Variants in PPIL6 observed in about 807,000 individuals in gnomAD.
PPIL6 encodes probable inactive peptidyl-prolyl cis-trans isomerase-like 6.
Under a neutral mutation model 36.8 loss-of-function variants are expected in PPIL6, and 39 were observed. The ratio of observed to expected loss-of-function variants is 1.06; its 90% CI spans 0.82 to 1.38. PPIL6 has a LOEUF of 1.38. Ranked by LOEUF, PPIL6 falls within the 40% of genes most tolerant of loss-of-function variation. The probability of loss-of-function intolerance (pLI) is 0.00; values close to 1 mark genes in which losing one functional copy is unlikely to be tolerated. For synonymous variants in PPIL6, 123 were observed against 134.1 expected, an observed-to-expected ratio of 0.92 and a Z score of 0.57; for missense variants, 368 against 379.1, an observed-to-expected ratio of 0.97 and a Z score of 0.24.
chr6:109,401,049 T>G (rs1049129635), intron 6 of PPIL6, among the ~76,000 whole-genome samples: 1 of 138,860 alleles, frequency 7.2e-6, no homozygotes, highest in African/African-American at 2.7e-5. Flanking sequence ...TTTTTTTTTT[T>G]GTATTTTTAG....
At position 109,413,139 on chromosome 6, in the gene PPIL6, C is replaced by T. The variant is rs145656400; in HGVS notation, c.688+6048G>A. 4.1e-4 allele frequency among the ~76,000 whole-genome samples: 63 copies of T among 152,214 alleles called. No individual in the cohort carries two copies. The highest frequency in any genetic ancestry group is 1.3e-3 in the African/African-American group (56 of 41,520). ...CACCACTGCATTCTATCCTGGGTGA[C>T]AGAGTGAGACTCTGTCTCAAAACAA... On this transcript the variant is annotated intron_variant, in intron 6 of 7. Coordinates refer to ENST00000521072, the MANE Select transcript of PPIL6 (RefSeq NM_173672.5). This position sits in a 1 kb window ranked among gnomAD's most constrained non-coding sequence, Gnocchi z 4.6.
chr6:109,401,644 G>C (rs1772544537), intron 6 of PPIL6, among the ~76,000 whole-genome samples: 1 of 151,928 alleles, frequency 6.6e-6, no homozygotes, highest in Admixed American at 6.6e-5. Context: ...ATTCATTTCA[G>C]TGAAATAAAG....
rs1037254237 is a variant in PPIL6, at chr6:109,440,256, C to A, written c.135+200G>T. On this transcript the variant is annotated intron_variant, in intron 1 of 7. Transcript: ENST00000521072. ...AAAAGTCGCCAAGTGGAACGCCCGCCCCCGGACCCGCACTTGCCCCCCTAT... is the reference window on the plus strand; with the variant it reads ...AAAAGTCGCCAAGTGGAACGCCCGCACCCGGACCCGCACTTGCCCCCCTAT... The A allele has an allele frequency of 4.3e-6, 3 of 702,840 alleles. No individual in the cohort carries two copies. In the Admixed American group the frequency reaches 6.3e-5, roughly 15 times the overall value. 43.5% of individuals were successfully genotyped at this position (702,840 alleles called of 1,614,324 possible). A position where few individuals can be genotyped will look rare whatever the true frequency, so the allele number is the denominator to read the frequency against.
chr6:109,398,753 C>T (rs1380870681), intron 7 of PPIL6, among the ~76,000 whole-genome samples: 1 of 152,044 alleles, frequency 6.6e-6, no homozygotes, highest in Non-Finnish European at 1.5e-5. Context: ...TGTCCATGGA[C>T]AATTATTGAA....
chr6:109,440,440 G>T lies in PPIL6; in HGVS notation c.135+16C>A, dbSNP rs1227410310. ...GCGGGGAGGGCCGCCCACGACGGAG[G>T]TTTCTCTGTGGTTACCTCAGCGGCG... is the stretch of plus-strand genomic sequence containing the variant. On this transcript the variant is annotated intron_variant, in intron 1 of 7. Coordinates refer to ENST00000521072, the MANE Select transcript of PPIL6 (RefSeq NM_173672.5). The T allele has an allele frequency of 6.5e-7, 1 of 1,539,468 alleles. No homozygotes were observed.
At chr6:109,394,491 G>A (rs1380549786) in intron 7 of PPIL6, among the ~76,000 whole-genome samples, 1 of 151,626 alleles carries the variant, frequency 6.6e-6, no homozygotes, top group African/African-American at 2.4e-5. Context: ...AATTAAAAAA[G>A]GGCAGAGAGA....
Position 109,422,896 on chromosome 6 carries a change from C to T in PPIL6, c.632-3653G>A, listed in dbSNP as rs146250104. Among the ~76,000 whole-genome samples, 239 of 152,266 alleles carry T rather than the reference C, an allele frequency of 1.6e-3. 1 individual carries two copies. The East Asian group carries it at 0.025, about 16-fold the overall frequency. ...GTTATAAACATATTGTACTTATCAG[C>T]GGCTCATTCTTCTGTTTTTATTTGT... is the stretch of plus-strand genomic sequence containing the variant. On this transcript the variant is annotated intron_variant, in intron 5 of 7. Transcript: ENST00000521072.
At position 109,399,810 on chromosome 6, in the gene PPIL6, G is replaced by A. The variant is rs552424646; in HGVS notation, c.824+225C>T. 3.3e-5 allele frequency among the ~76,000 whole-genome samples: 5 copies of A among 152,168 alleles called. No homozygotes were observed. In the South Asian group the frequency reaches 1.0e-3, roughly 32 times the overall value. ...CCCACCTCAGCCTCCAAAAGTGCTG[G>A]GATTATATGCCTGAGCCACTGTGTC... On this transcript the variant is annotated intron_variant, in intron 7 of 7. Coordinates refer to ENST00000521072, the MANE Select transcript of PPIL6 (RefSeq NM_173672.5).
At position 109,391,730 on chromosome 6, in the gene PPIL6, G is replaced by A. The variant is rs1461057734; in HGVS notation, c.*1096C>T. ...CTGAATCTCCAATAACATCACATGA[G>A]TCAGCCACCACGGACACTGTAAAAC... On this transcript the variant is annotated 3_prime_UTR_variant, in exon 8 of 8. Transcript: ENST00000521072. 1.3e-5 allele frequency: 2 copies of A among 152,156 alleles called. No homozygotes were observed. The highest frequency in any genetic ancestry group is 2.9e-5 in the Non-Finnish European group (2 of 68,026). 9.4% of individuals were successfully genotyped at this position (152,156 alleles called of 1,614,324 possible).
chr6:109,440,130 A>G (rs552602971), intron 1 of PPIL6: 6 of 375,418 alleles, frequency 1.6e-5, no homozygotes, highest in Non-Finnish European at 3.0e-5. Context: ...GAAAAAATTG[A>G]CGTAGAACAA....
intron 7 of PPIL6, 87 bp from the exon 8 acceptor site, chr6:109,393,024 ATAGCTAAGACT>A: frequency 1.4e-6 from 1 of 725,102 alleles, no homozygotes; most frequent in South Asian, 1.7e-5. Context: ...CTACCCAGCT[ATAGCTAAGACT>A]ATTTCCTACA....
chr6:109,422,654 A>T (rs532959644), intron 5 of PPIL6, among the ~76,000 whole-genome samples: 4 of 152,322 alleles, frequency 2.6e-5, no homozygotes, highest in Non-Finnish European at 1.5e-5. Flanking sequence ...ATAATAATAT[A>T]CACTGGAGAT....
intron 1 of PPIL6, chr6:109,440,198 T>G: frequency 3.6e-6 from 2 of 561,768 alleles, no homozygotes; most frequent in African/African-American, 1.9e-5. Context: ...CCCAGCGCGG[T>G]TCTGAACCCT....
At position 109,403,033 on chromosome 6, in the gene PPIL6, C is replaced by T. The variant is rs751967242; in HGVS notation, c.689-2863G>A. ...TCACTCTTTAATCGTCTGCTCACCT[C>T]GGTATTTCTCGATCTTTCCAACCCC... On this transcript the variant is annotated intron_variant, in intron 6 of 7. Coordinates refer to ENST00000521072, the MANE Select transcript of PPIL6 (RefSeq NM_173672.5). The T allele has an allele frequency of 9.8e-6, 15 of 1,528,438 alleles. No homozygotes were observed. The South Asian group carries it at 1.1e-4, about 11-fold the overall frequency. 94.7% of individuals were successfully genotyped at this position (1,528,438 alleles called of 1,614,324 possible). A position where few individuals can be genotyped will look rare whatever the true frequency, so the allele number is the denominator to read the frequency against.
chr6:109,428,980 G>A (rs531741080), intron 3 of PPIL6, among the ~76,000 whole-genome samples: 6 of 152,312 alleles, frequency 3.9e-5, no homozygotes, highest in African/African-American at 1.2e-4. Flanking sequence ...AGAATAGATA[G>A]TTCTGAAAAT....
chr6:109,439,920 T>G (rs1361959439), intron 1 of PPIL6, among the ~76,000 whole-genome samples: 1 of 152,164 alleles, frequency 6.6e-6, no homozygotes, highest in Non-Finnish European at 1.5e-5. Flanking sequence ...TCTGAGTGTT[T>G]ACAAAGAAAT....
In PPIL6 at chr6:109,436,015, C is replaced by CAAT; in HGVS notation, c.231+88_231+89insATT. ...ATAAAATCTAGTTACACTAAAATTA[C>CAAT]TCTTTCAGTTTTTCCAAAACAATGC... is the stretch of plus-strand genomic sequence containing the variant. On this transcript the variant is annotated intron_variant, in intron 2 of 7. Coordinates refer to ENST00000521072, the MANE Select transcript of PPIL6 (RefSeq NM_173672.5). The CAAT allele has an allele frequency of 4.3e-5, 33 of 769,568 alleles. No homozygotes were observed. The South Asian group carries it at 4.7e-4, about 11-fold the overall frequency. 47.7% of individuals were successfully genotyped at this position (769,568 alleles called of 1,614,324 possible). A position where few individuals can be genotyped will look rare whatever the true frequency, so the allele number is the denominator to read the frequency against.
chr6:109,423,694 A>G (rs930174140), intron 5 of PPIL6, among the ~76,000 whole-genome samples: 2 of 151,568 alleles, frequency 1.3e-5, no homozygotes, highest in South Asian at 4.2e-4. Context: ...AGTTTATTTC[A>G]TTTTCTTTGA....
chr6:109,397,021 ATCC>A (rs1211433725), intron 7 of PPIL6, among the ~76,000 whole-genome samples: 2 of 150,954 alleles, frequency 1.3e-5, no homozygotes, highest in African/African-American at 4.9e-5. Flanking sequence ...GAAGGAAGGT[ATCC>A]CTGAAGGAGT....
Sources: allele counts gnomAD v4.1 joint callset (sites outside exome capture counted in the v4.1 genomes callset), GRCh38; gene constraint gnomAD v4.1.1; non-coding constraint Gnocchi (gnomAD v3.1); transcripts MANE v1.5; gene names NCBI Gene and HGNC (gene_info 2026-07-23, HGNC 2026-07-21).